Variants in DLGAP1 observed in about 807,000 individuals in gnomAD.
DLGAP1 encodes the protein disks large-associated protein 1.
DLGAP1 carries 11 observed loss-of-function variants against 90.8 expected under a neutral mutation model. That is an observed-to-expected ratio of 0.12 (90% CI 0.08 to 0.20). The LOEUF (loss-of-function observed/expected upper bound fraction) is 0.20. Among genes scored for constraint, DLGAP1 ranks in the 10% least tolerant of loss-of-function variants. DLGAP1 has a pLI of 1.00. For missense variants in DLGAP1, 1,050 were observed against 1,333.8 expected (o/e 0.79, Z 3.31); for synonymous variants, 558 against 540.7 (o/e 1.03, Z -0.44).
chr18:4,098,488 A>G (rs185019038), intron 2 of DLGAP1, among the ~76,000 whole-genome samples: 4 of 152,278 alleles, frequency 2.6e-5, no homozygotes, highest in South Asian at 4.1e-4. Flanking sequence ...AGTGATTAGG[A>G]TTGGAGAACA....
chr18:3,867,508 T>C lies in DLGAP1; in HGVS notation c.957+11604A>G, dbSNP rs186868903. Among the ~76,000 whole-genome samples, 204 of 152,158 alleles carry C rather than the reference T, an allele frequency of 1.3e-3. 1 individual carries two copies. The highest frequency in any genetic ancestry group is 4.6e-3 in the African/African-American group (190 of 41,516). ...AGGAGGAGGGGATGAAATTAACCAC[T>C]GGTATGGGTTTCTAAGGCTTGTGTC... On this transcript the variant is annotated intron_variant, in intron 4 of 12. Transcript: ENST00000315677.
chr18:4,359,000 A>C (rs371984049), intron 1 of DLGAP1, among the ~76,000 whole-genome samples: 22 of 152,336 alleles, frequency 1.4e-4, no homozygotes, highest in East Asian at 5.8e-4. Context: ...GGGAGTTATA[A>C]TTAACAGCCT....
At chr18:4,269,512 C>T (rs1325535130) in intron 1 of DLGAP1, among the ~76,000 whole-genome samples, 2 of 151,636 alleles carry the variant, frequency 1.3e-5, no homozygotes, top group African/African-American at 2.4e-5. Flanking sequence ...CACCACCATG[C>T]GCGGCTAATT....
intron 7 of DLGAP1, among the ~76,000 whole-genome samples, chr18:3,586,303 A>G (rs1386366607): frequency 6.6e-6 from 1 of 151,964 alleles, no homozygotes; most frequent in Non-Finnish European, 1.5e-5. Context: ...AGGCTTAAGG[A>G]AAGGAACCAT....
chr18:4,286,409 C>A (rs945590278), intron 1 of DLGAP1, among the ~76,000 whole-genome samples: 11 of 152,036 alleles, frequency 7.2e-5, no homozygotes, highest in African/African-American at 2.7e-4. Flanking sequence ...AGGGCACAAG[C>A]AGTGAAAAGC....
At chr18:3,686,032 T>A (rs372652760) in intron 7 of DLGAP1, among the ~76,000 whole-genome samples, 1 of 151,614 alleles carries the variant, frequency 6.6e-6, no homozygotes, top group Non-Finnish European at 1.5e-5. Context: ...AAAAATTTAA[T>A]TGGGCATGGT....
intron 3 of DLGAP1, among the ~76,000 whole-genome samples, chr18:3,897,590 G>A (rs944843379): frequency 4.6e-5 from 7 of 152,092 alleles, no homozygotes; most frequent in Non-Finnish European, 1.0e-4. Flanking sequence ...CATGTCTTAG[G>A]TGATGACATA....
At chr18:4,350,033 A>G (rs779249563) in intron 1 of DLGAP1, among the ~76,000 whole-genome samples, 6 of 152,156 alleles carry the variant, frequency 3.9e-5, no homozygotes, top group Non-Finnish European at 5.9e-5. Flanking sequence ...AAAGGATGCA[A>G]TTAAAACCAA....
At chr18:3,549,648 C>T (rs947772370) in intron 9 of DLGAP1, among the ~76,000 whole-genome samples, 8 of 151,946 alleles carry the variant, frequency 5.3e-5, no homozygotes, top group African/African-American at 1.2e-4. Flanking sequence ...CTTACACACA[C>T]ACATACATGC....
At chr18:3,754,279 C>T (rs906127135) in intron 5 of DLGAP1, among the ~76,000 whole-genome samples, 4 of 152,082 alleles carry the variant, frequency 2.6e-5, no homozygotes, top group African/African-American at 4.8e-5. Context: ...TGAAATTACA[C>T]GCATGAGCCA....
intron 1 of DLGAP1, among the ~76,000 whole-genome samples, chr18:4,204,518 T>C (rs2077679879): frequency 6.6e-6 from 1 of 151,438 alleles, no homozygotes; most frequent in African/African-American, 2.4e-5. Flanking sequence ...GTTTTTTTTT[T>C]GTTTTTGTTT....
chr18:4,317,875 C>A (rs2143551007), intron 1 of DLGAP1, among the ~76,000 whole-genome samples: 1 of 152,336 alleles, frequency 6.6e-6, no homozygotes, highest in East Asian at 1.9e-4. Context: ...GAGACAGAAT[C>A]TCACTCTGTC....
chr18:4,239,663 C>T (rs1168613045), intron 1 of DLGAP1, among the ~76,000 whole-genome samples: 1 of 152,182 alleles, frequency 6.6e-6, no homozygotes, highest in African/African-American at 2.4e-5. Flanking sequence ...TGTAGCATCT[C>T]AACACCCGTT....
intron 7 of DLGAP1, among the ~76,000 whole-genome samples, chr18:3,692,413 A>C (rs917572966): frequency 6.6e-6 from 1 of 152,180 alleles, no homozygotes. Flanking sequence ...TAATTTTATC[A>C]TTTTAATTAG....
At chr18:3,532,728 T>G (rs1044529997) in intron 10 of DLGAP1, among the ~76,000 whole-genome samples, 7 of 152,194 alleles carry the variant, frequency 4.6e-5, no homozygotes, top group African/African-American at 1.7e-4. Flanking sequence ...ACCACCAAAT[T>G]TCCTTGTTTC....
At chr18:4,188,738 CA>C (rs1014137610) in intron 1 of DLGAP1, among the ~76,000 whole-genome samples, 2 of 152,130 alleles carry the variant, frequency 1.3e-5, no homozygotes, top group African/African-American at 4.8e-5. Context: ...GGATTGGTTC[CA>C]AGTCTTTGCC....
Position 4,425,642 on chromosome 18 carries a change from T to C in DLGAP1, c.-267+29364A>G, listed in dbSNP as rs76874888. Among the ~76,000 whole-genome samples, 892 of 152,324 alleles carry C rather than the reference T, an allele frequency of 5.9e-3. 11 individuals are homozygous for C. The highest frequency in any genetic ancestry group is 0.02 in the African/African-American group (852 of 41,578). On this transcript the variant is annotated intron_variant, in intron 1 of 12. Coordinates refer to ENST00000315677, the MANE Select transcript of DLGAP1 (RefSeq NM_004746.4). ...ATTCATTCACACATTCCAACATTTA[T>C]TGAATACCTGCTATTGTCTAGATGT...
intron 1 of DLGAP1, among the ~76,000 whole-genome samples, chr18:4,414,131 A>AT (rs2082840342): frequency 6.6e-6 from 1 of 152,212 alleles, no homozygotes; most frequent in African/African-American, 2.4e-5. Flanking sequence ...TGATTACTAA[A>AT]TAAGATAATC....
At chr18:3,532,064 A>G (rs1398424715) in intron 10 of DLGAP1, among the ~76,000 whole-genome samples, 1 of 151,816 alleles carries the variant, frequency 6.6e-6, no homozygotes, top group African/African-American at 2.4e-5. Flanking sequence ...CATATTGGCT[A>G]TGCTGGTCTT....
Sources: allele counts gnomAD v4.1 joint callset (sites outside exome capture counted in the v4.1 genomes callset), GRCh38; gene constraint gnomAD v4.1.1; transcripts MANE v1.5; gene names NCBI Gene and HGNC (gene_info 2026-07-23, HGNC 2026-07-21).